Variants in NBEA observed in about 807,000 individuals in gnomAD.
The protein encoded by NBEA is lysosomal-trafficking regulator 2.
NBEA carries 44 observed loss-of-function variants against 343.4 expected under a neutral mutation model. The ratio of observed to expected loss-of-function variants is 0.13; its 90% CI spans 0.10 to 0.16. The LOEUF is 0.16. NBEA is among the 10% of genes least tolerant of loss of function. NBEA has a pLI of 1.00. For synonymous variants in NBEA, 1,175 were observed against 1,238.7 expected (o/e 0.95, Z 1.08); for missense variants, 2,555 against 3,631.3 (o/e 0.70, Z 7.62).
At chr13:35,657,603 C>T (rs1240958478) in intron 55 of NBEA, among the ~76,000 whole-genome samples, 1 of 152,170 alleles carries the variant, frequency 6.6e-6, no homozygotes. Context: ...AAGAATGGTA[C>T]ATTATCAAGT....
At chr13:35,032,759 A>G (rs1463907413) in intron 1 of NBEA, among the ~76,000 whole-genome samples, 1 of 151,762 alleles carries the variant, frequency 6.6e-6, no homozygotes, top group Non-Finnish European at 1.5e-5. Flanking sequence ...ATGATCAGTG[A>G]TGTTGAGTAT....
At chr13:35,544,984 A>G (rs1387358896) in intron 41 of NBEA, among the ~76,000 whole-genome samples, 1 of 152,346 alleles carries the variant, frequency 6.6e-6, no homozygotes, top group South Asian at 2.1e-4. Context: ...GGCTTAAGAA[A>G]GAAAACAAAA....
intron 1 of NBEA, among the ~76,000 whole-genome samples, chr13:35,019,703 T>G (rs2061769634): frequency 6.6e-6 from 1 of 152,196 alleles, no homozygotes; most frequent in Non-Finnish European, 1.5e-5. Context: ...TATAGGACTA[T>G]TTAGATTGGC....
At chr13:35,209,323 T>C (rs2073609973) in intron 32 of NBEA, among the ~76,000 whole-genome samples, 1 of 152,162 alleles carries the variant, frequency 6.6e-6, no homozygotes, top group South Asian at 2.1e-4. Context: ...ACCTTGACGA[T>C]ATGCAAGCGC....
chr13:35,549,608 A>G (rs1423347513), intron 41 of NBEA, among the ~76,000 whole-genome samples: 1 of 152,172 alleles, frequency 6.6e-6, no homozygotes, highest in Admixed American at 6.6e-5. Flanking sequence ...CCTTCCTCTC[A>G]TAGTTACACA....
chr13:35,445,782 T>TATATA (rs2045971357), intron 39 of NBEA, among the ~76,000 whole-genome samples: 5 of 113,270 alleles, frequency 4.4e-5, no homozygotes, highest in Admixed American at 2.2e-4. Flanking sequence ...ATATAAATGT[T>TATATA]TATATATATA....
At chr13:35,127,001 C>T (rs964227328) in intron 17 of NBEA, among the ~76,000 whole-genome samples, 6 of 149,956 alleles carry the variant, frequency 4.0e-5, no homozygotes, top group East Asian at 2.0e-4. Context: ...TGGAACAAAA[C>T]GAATATTTAA....
At chr13:35,616,336 C>T (rs1566413997) in intron 48 of NBEA, among the ~76,000 whole-genome samples, 1 of 152,140 alleles carries the variant, frequency 6.6e-6, no homozygotes, top group Non-Finnish European at 1.5e-5. Flanking sequence ...AATATATATT[C>T]CAATCACCAA....
At chr13:35,535,364 C>T (rs943271548) in intron 41 of NBEA, among the ~76,000 whole-genome samples, 16 of 152,056 alleles carry the variant, frequency 1.1e-4, no homozygotes, top group African/African-American at 3.1e-4. Context: ...AGACAGAACA[C>T]GCAAAACCGT....
chr13:34,970,573 G>A (rs1235050275), intron 1 of NBEA, among the ~76,000 whole-genome samples: 1 of 152,052 alleles, frequency 6.6e-6, no homozygotes, highest in Admixed American at 6.6e-5. Flanking sequence ...TAAAAGGAAG[G>A]AGTCCAGTTT....
intron 6 of NBEA, among the ~76,000 whole-genome samples, chr13:35,052,023 C>T (rs975422853): frequency 8.6e-5 from 13 of 152,006 alleles, no homozygotes; most frequent in African/African-American, 3.1e-4. Flanking sequence ...AAAACACATT[C>T]TCCTTTGTAA....
In NBEA at chr13:35,259,157, T is replaced by C. The variant is rs558356141; in HGVS notation, c.5776+26538T>C. Among the ~76,000 whole-genome samples, 24 of 152,338 alleles carry C rather than the reference T, an allele frequency of 1.6e-4. No homozygotes were observed. In the East Asian group the frequency reaches 4.6e-3, roughly 29 times the overall value. On this transcript the variant is annotated intron_variant, in intron 34 of 58. Transcript: ENST00000379939. ...GGGAAGTTAGTTTTCTCCATTTTGTTTATTATCTGGTGTCCTGAATACCTG... is the reference window on the plus strand; with the variant it reads ...GGGAAGTTAGTTTTCTCCATTTTGTCTATTATCTGGTGTCCTGAATACCTG...
rs11840309 is a variant in NBEA at position 34,942,385 on chromosome 13, G to A, written c.-436G>A. The A allele has an allele frequency of 6.5e-6, 1 of 153,928 alleles. No homozygotes were observed. Among genetic ancestry groups the A allele is most frequent in the African/African-American group, 2.4e-5 (1 of 41,484 alleles). The allele number at this position is 153,928 out of a possible 1,614,324, so 9.5% of individuals were successfully genotyped here. On this transcript the variant is annotated 5_prime_UTR_variant, in exon 1 of 59. Transcript: ENST00000379939. Reference sequence around the variant, plus strand: ...CGGCGGCAGCAGCGTCAATAGCATCGGCCACAGCCTGAGCTTCAGCACCGG... The same window carrying A: ...CGGCGGCAGCAGCGTCAATAGCATCAGCCACAGCCTGAGCTTCAGCACCGG...
At chr13:35,446,277 A>C (rs1415861704) in intron 39 of NBEA, among the ~76,000 whole-genome samples, 2 of 152,136 alleles carry the variant, frequency 1.3e-5, no homozygotes, top group African/African-American at 4.8e-5. Flanking sequence ...CAATAAACAT[A>C]CGTGTGCATG....
At chr13:35,377,570 T>A (rs2041810473) in intron 38 of NBEA, among the ~76,000 whole-genome samples, 1 of 152,208 alleles carries the variant, frequency 6.6e-6, no homozygotes. Flanking sequence ...TATCTCTTAT[T>A]CCATAACCTT....
At chr13:35,092,074 T>C (rs1286567264) in intron 10 of NBEA, among the ~76,000 whole-genome samples, 2 of 151,964 alleles carry the variant, frequency 1.3e-5, no homozygotes, top group Non-Finnish European at 2.9e-5. Context: ...TAAACACATA[T>C]ATCAGTGAAA....
intron 47 of NBEA, among the ~76,000 whole-genome samples, chr13:35,600,555 G>A (rs1406455651): frequency 1.3e-5 from 2 of 152,082 alleles, no homozygotes; most frequent in African/African-American, 2.4e-5. Context: ...AAAAAAAATT[G>A]AGACCAAATA....
At chr13:35,544,645 G>GTTCATAAGTGAACTAAAA (rs1430116527) in intron 41 of NBEA, among the ~76,000 whole-genome samples, 1 of 152,082 alleles carries the variant, frequency 6.6e-6, no homozygotes, top group Admixed American at 6.5e-5. Flanking sequence ...ATGTACTTTA[G>GTTCATAAGTGAACTAAAA]TTCATAAGTG....
At chr13:35,399,805 C>T (rs1030858411) in intron 38 of NBEA, among the ~76,000 whole-genome samples, 3 of 152,130 alleles carry the variant, frequency 2.0e-5, no homozygotes, top group African/African-American at 7.2e-5. Context: ...AAGTCAAAGA[C>T]GTGAGCCTCT....
Sources: gnomAD v4.1 joint callset for allele counts (sites outside exome capture counted in the v4.1 genomes callset) on GRCh38, gnomAD v4.1.1 for gene constraint, MANE v1.5 for transcripts, NCBI Gene and HGNC (gene_info 2026-07-23, HGNC 2026-07-21) for gene names.